Variants in TNFAIP8 observed in about 807,000 individuals in gnomAD.
The protein encoded by TNFAIP8 is TNF alpha induced protein 8, also known as tumor necrosis factor alpha-induced protein 8.
TNFAIP8 carries 7 observed loss-of-function variants against 13.3 expected under a neutral mutation model. That is an observed-to-expected ratio of 0.52 (90% CI 0.30 to 0.99). The LOEUF is 0.99. Among genes scored for constraint, TNFAIP8 ranks in the 50% least tolerant of loss-of-function variants. The pLI, the probability that TNFAIP8 is intolerant of heterozygous loss-of-function variation, is 0.07. For missense variants in TNFAIP8, 258 were observed against 236.9 expected, an observed-to-expected ratio of 1.09 and a Z score of -0.58; for synonymous variants, 94 against 87.6, an observed-to-expected ratio of 1.07 and a Z score of -0.41.
rs534445080 is a variant in TNFAIP8, at chr5:119,363,015, G to A, written c.31+6894G>A. On this transcript the variant is annotated intron_variant, in intron 1 of 1. Transcript: ENST00000504771. ...GTAGTCTCTGAGAGCAAGACTGTAG[G>A]GAAAGGAGGGGACTGGGCCATGGAT... Among the ~76,000 whole-genome samples the A allele has an allele frequency of 3.3e-5, 5 of 152,266 alleles. No individual in the cohort carries two copies. The South Asian group carries it at 8.3e-4, about 25-fold the overall frequency.
intron 1 of TNFAIP8, among the ~76,000 whole-genome samples, chr5:119,271,652 C>T (rs1748295929): frequency 6.6e-6 from 1 of 152,174 alleles, no homozygotes; most frequent in Non-Finnish European, 1.5e-5. Flanking sequence ...GGGGCATTGA[C>T]TTTGGCAATG....
At chr5:119,308,290 C>T (rs60474651) in intron 1 of TNFAIP8, among the ~76,000 whole-genome samples, 9,899 of 152,142 alleles carry the variant, frequency 0.065, 770 homozygotes, top group African/African-American at 0.18. Context: ...GTATCATTTC[C>T]CAAGGGCTTG....
chr5:119,350,284 G>T (rs941866152), intron 1 of TNFAIP8, among the ~76,000 whole-genome samples: 7 of 152,224 alleles, frequency 4.6e-5, no homozygotes, highest in African/African-American at 7.2e-5. Flanking sequence ...TTACGTGAAT[G>T]AAGTGCTATG....
intron 1 of TNFAIP8, among the ~76,000 whole-genome samples, chr5:119,385,466 G>A (rs529460293): frequency 6.6e-6 from 1 of 152,178 alleles, no homozygotes; most frequent in South Asian, 2.1e-4. Flanking sequence ...TGTTGACTAG[G>A]CTTCTCCTCT....
chr5:119,309,533 A>C (rs1348772831), intron 1 of TNFAIP8, among the ~76,000 whole-genome samples: 1 of 152,206 alleles, frequency 6.6e-6, no homozygotes, highest in Non-Finnish European at 1.5e-5. Context: ...TGTTTAAATA[A>C]GATGGCAAGA....
In TNFAIP8 at chr5:119,333,573, A is replaced by T. The variant is rs574049277; in HGVS notation, c.2-59243A>T. The T allele has an allele frequency of 2.8e-5, 43 of 1,535,596 alleles. 2 individuals carry two copies. In the South Asian group the frequency reaches 4.9e-4, roughly 17 times the overall value. On this transcript the variant is annotated intron_variant, in intron 1 of 1. Coordinates refer to the TNFAIP8 transcript ENST00000274456. The stretch of plus-strand genomic sequence containing the variant: ...GCATTCCTCAAGTCTGTATGACTCT[A>T]CCAAGATACTGTGAAGTTGTCCTTC...
At chr5:119,374,872 T>C (rs1354927046) in intron 1 of TNFAIP8, among the ~76,000 whole-genome samples, 1 of 152,174 alleles carries the variant, frequency 6.6e-6, no homozygotes, top group East Asian at 1.9e-4. Flanking sequence ...TTCTACAAGT[T>C]TTTTTAAATA....
At chr5:119,375,869 C>A (rs1297816129) in intron 1 of TNFAIP8, among the ~76,000 whole-genome samples, 1 of 152,008 alleles carries the variant, frequency 6.6e-6, no homozygotes, top group Non-Finnish European at 1.5e-5. Flanking sequence ...AGAGTTTCTG[C>A]CTTTTTCTTA....
chr5:119,378,900 C>T (rs1752381650), intron 1 of TNFAIP8, among the ~76,000 whole-genome samples: 1 of 152,014 alleles, frequency 6.6e-6, no homozygotes, highest in Non-Finnish European at 1.5e-5. Context: ...ATAGTGATAA[C>T]TCATCTCTAC....
chr5:119,282,081 T>C (rs1192281339), intron 1 of TNFAIP8, among the ~76,000 whole-genome samples: 5 of 152,230 alleles, frequency 3.3e-5, no homozygotes, highest in Admixed American at 3.3e-4. Context: ...GTATCAACTA[T>C]ATATCATTTC....
rs1305164587 is a variant in TNFAIP8 at position 119,392,843 on chromosome 5, A to T, written c.59A>T (p.Asn20Ile). ...EVATDVFNSKNLAVQAQKKIL... is the reference protein window; with the variant it reads ...EVATDVFNSKILAVQAQKKIL... ...GCCACAGATGTCTTTAATTCCAAAA[A>T]CCTGGCCGTTCAGGCACAAAAGAAG... is the stretch of plus-strand genomic sequence containing the variant. Residue 20 changes from asparagine (N) to isoleucine (I), a missense_variant, in exon 2 of 2, where the codon AAC becomes ATC. Coordinates refer to ENST00000504771, the MANE Select transcript of TNFAIP8 (RefSeq NM_014350.4). 6.4e-7 allele frequency: 1 copy of T among 1,552,038 alleles called. No homozygotes were observed. Among genetic ancestry groups the T allele is most frequent in the Non-Finnish European group, 8.7e-7 (1 of 1,147,816 alleles).
chr5:119,292,730 A>C (rs1749038417), intron 1 of TNFAIP8, among the ~76,000 whole-genome samples: 1 of 141,184 alleles, frequency 7.1e-6, no homozygotes, highest in Admixed American at 7.2e-5. Context: ...AAAAAGAACA[A>C]AGTACTGTAC....
At chr5:119,301,528 T>G (rs1298371299) in intron 1 of TNFAIP8, among the ~76,000 whole-genome samples, 3 of 152,154 alleles carry the variant, frequency 2.0e-5, no homozygotes, top group Non-Finnish European at 4.4e-5. Context: ...GGTTTTGCCA[T>G]TATTTATATG....
chr5:119,331,590 C>T (rs201164748), intron 1 of TNFAIP8, among the ~76,000 whole-genome samples: 1 of 152,218 alleles, frequency 6.6e-6, no homozygotes, highest in African/African-American at 2.4e-5. Flanking sequence ...CTACCATGTC[C>T]TCTGCCCTTG....
chr5:119,306,301 T>C (rs1053215280), intron 1 of TNFAIP8: 2 of 149,668 alleles, frequency 1.3e-5, no homozygotes, highest in Admixed American at 6.6e-5. Flanking sequence ...TCTCTTTTCT[T>C]TTTTCTTTCT....
chr5:119,361,292 A>C (rs1751626344), intron 1 of TNFAIP8, among the ~76,000 whole-genome samples: 1 of 152,220 alleles, frequency 6.6e-6, no homozygotes, highest in African/African-American at 2.4e-5. Flanking sequence ...TTATTCTAAA[A>C]GTTTATAAGC....
intron 1 of TNFAIP8, among the ~76,000 whole-genome samples, chr5:119,328,243 C>G (rs1750280300): frequency 6.6e-6 from 1 of 152,180 alleles, no homozygotes; most frequent in Non-Finnish European, 1.5e-5. Flanking sequence ...CAACCCTTGC[C>G]CTTGTTTCCA....
At chr5:119,302,508 A>C (rs1441238519) in intron 1 of TNFAIP8, among the ~76,000 whole-genome samples, 1 of 152,156 alleles carries the variant, frequency 6.6e-6, no homozygotes, top group East Asian at 1.9e-4. Flanking sequence ...TGTTTTGAAA[A>C]TGATTTATTT....
At chr5:119,283,488 G>C (rs1394997723) in intron 1 of TNFAIP8, among the ~76,000 whole-genome samples, 1 of 152,126 alleles carries the variant, frequency 6.6e-6, no homozygotes, top group Admixed American at 6.5e-5. Context: ...AAAAGTAATG[G>C]AATAATGGTT....
Sources: allele counts gnomAD v4.1 joint callset (sites outside exome capture counted in the v4.1 genomes callset), GRCh38; gene constraint gnomAD v4.1.1; transcripts MANE v1.5; gene names NCBI Gene and HGNC (gene_info 2026-07-23, HGNC 2026-07-21).